The following PPP2R3B variants were observed in gnomAD, a reference collection of about 807,000 sequenced individuals.
PPP2R3B encodes protein phosphatase 2 regulatory subunit B''beta, also known as serine/threonine-protein phosphatase 2A regulatory subunit B'' subunit beta.
PPP2R3B carries 68 observed loss-of-function variants against 72.9 expected under a neutral mutation model. The observed-to-expected ratio is 0.93, with a 90% CI of 0.77 to 1.14. The LOEUF (loss-of-function observed/expected upper bound fraction) is 1.14, where lower values mean the gene tolerates loss of function less well. Ranked by LOEUF, PPP2R3B falls within the 50% of genes most tolerant of loss-of-function variation. The probability of loss-of-function intolerance (pLI) is 0.00; values close to 1 mark genes in which losing one functional copy is unlikely to be tolerated. For synonymous variants in PPP2R3B, 466 were observed against 375.8 expected (o/e 1.24, Z -2.78); for missense variants, 1,018 against 842.0 (o/e 1.21, Z -2.59).
At chrX:341,173 C>T in intron 9 of PPP2R3B, 134 bp downstream of exon 9, 2 of 820,952 alleles carry the variant, frequency 2.4e-6, no homozygotes, top group Admixed American at 4.0e-5. Context: ...GTGCAGCCCC[C>T]ACCGGGCGTG....
chrX:334,290 C>G lies in PPP2R3B; in HGVS notation c.*77G>C. On this transcript the variant is annotated 3_prime_UTR_variant, in exon 13 of 13. Transcript: ENST00000390665. Reference sequence around the variant, plus strand: ...GTACAAACGCACTCATTTTCCACAACAGTTTTTACACGAGCCGCGGTGGCC... The same window carrying G: ...GTACAAACGCACTCATTTTCCACAAGAGTTTTTACACGAGCCGCGGTGGCC... The G allele has an allele frequency of 4.3e-6, 6 of 1,380,694 alleles. No homozygotes were observed. The highest frequency in any genetic ancestry group is 1.5e-5 in the South Asian group (1 of 64,634). 85.5% of individuals were successfully genotyped at this position (1,380,694 alleles called of 1,614,324 possible).
rs1364613788 is a variant in PPP2R3B at position 386,452 on chromosome X, G to A, written c.240C>T (p.Gly80=). ...GLEPPGTPGP[G]PALPLGAASS... Reference sequence around the variant, plus strand: ...AGGCGGCGCCCAGGGGCAGCGCAGGGCCCGGCCCGGGGGTTCCCGGGGGTT... The same window carrying A: ...AGGCGGCGCCCAGGGGCAGCGCAGGACCCGGCCCGGGGGTTCCCGGGGGTT... Residue 80 remains glycine, a synonymous_variant, in exon 1 of 13, where the codon GGC becomes GGT. Coordinates refer to ENST00000390665, the MANE Select transcript of PPP2R3B (RefSeq NM_013239.5). The A allele has an allele frequency of 2.7e-5, 35 of 1,311,710 alleles. No homozygotes were observed. The highest frequency in any genetic ancestry group is 2.7e-4 in the Middle Eastern group (1 of 3,742). 81.3% of individuals were successfully genotyped at this position (1,311,710 alleles called of 1,614,324 possible).
intron 1 of PPP2R3B, among the ~76,000 whole-genome samples, chrX:383,703 TGGCG>T (rs2072175127): frequency 6.6e-6 from 1 of 150,844 alleles, no homozygotes; most frequent in Non-Finnish European, 1.5e-5. Flanking sequence ...CCGGGCGTGG[TGGCG>T]GGCGCCTGTA....
chrX:375,856 A>G (rs866380066), intron 1 of PPP2R3B, among the ~76,000 whole-genome samples: 1 of 63,652 alleles, frequency 1.6e-5, no homozygotes, highest in South Asian at 4.0e-4. Flanking sequence ...GGTGACACAC[A>G]CCCCTGTGGA....
chrX:385,440 G>C (rs1007825530), intron 1 of PPP2R3B, among the ~76,000 whole-genome samples: 1 of 146,702 alleles, frequency 6.8e-6, no homozygotes. Flanking sequence ...GGGTAGCTGA[G>C]ATTACAGGTA....
chrX:341,507 T>TCCTCCTGCCCG, intron 8 of PPP2R3B, 111 bp from the exon 9 acceptor site: 1 of 1,033,968 alleles, frequency 9.7e-7, no homozygotes, highest in Non-Finnish European at 1.5e-6. Context: ...GGCCCGGCCC[T>TCCTCCTGCCCG]CCTCCTGCCC....
chrX:382,368 T>C (rs1329640406), intron 1 of PPP2R3B, among the ~76,000 whole-genome samples: 1 of 151,894 alleles, frequency 6.6e-6, no homozygotes, highest in Non-Finnish European at 1.5e-5. Flanking sequence ...CAGCTAATTT[T>C]TGTATTTTTA....
intron 1 of PPP2R3B, among the ~76,000 whole-genome samples, chrX:364,292 G>A (rs367863978): frequency 6.6e-6 from 1 of 152,214 alleles, no homozygotes; most frequent in Non-Finnish European, 1.5e-5. Flanking sequence ...AGCTGGGCAG[G>A]GGGGAGTTCT....
chrX:345,056 GGGC>G (rs2071167434), intron 7 of PPP2R3B: 2 of 403,342 alleles, frequency 5.0e-6, no homozygotes, highest in African/African-American at 2.1e-5. Flanking sequence ...GAGGACACCT[GGGC>G]GGCACCGGCT....
At chrX:341,556 G>T in intron 8 of PPP2R3B, 160 bp from the exon 9 acceptor site, 1 of 773,038 alleles carries the variant, frequency 1.3e-6, no homozygotes, top group Non-Finnish European at 2.2e-6. Flanking sequence ...GGGAGGAGGT[G>T]GAGGCCCCGT....
intron 2 of PPP2R3B, among the ~76,000 whole-genome samples, chrX:358,746 A>G (rs2738405): frequency 0.14 from 21,638 of 151,206 alleles, 1,872 homozygotes; most frequent in Admixed American, 0.22. Context: ...ATGACATGAA[A>G]CGCGCACATG....
intron 7 of PPP2R3B, 136 bp downstream of exon 7, chrX:345,380 G>T: frequency 8.3e-7 from 1 of 1,198,216 alleles, no homozygotes; most frequent in Non-Finnish European, 1.2e-6. Flanking sequence ...GACACAGAGC[G>T]GCGAGTGCGA....
rs1405809339 is a variant in PPP2R3B at position 361,734 on chromosome X, C to A, written c.325-144G>T. On this transcript the variant is annotated intron_variant, in intron 1 of 12. Coordinates refer to ENST00000390665, the MANE Select transcript of PPP2R3B (RefSeq NM_013239.5). Reference sequence around the variant, plus strand: ...GGGAGAGGACACACTGCAATCCCTGCGGGGGACCACACACGTACTCCACTG... The same window carrying A: ...GGGAGAGGACACACTGCAATCCCTGAGGGGGACCACACACGTACTCCACTG... 1.1e-4 allele frequency: 99 copies of A among 875,078 alleles called. No homozygotes were observed. In the East Asian group the frequency reaches 1.4e-3, roughly 12 times the overall value. 54.2% of individuals were successfully genotyped at this position (875,078 alleles called of 1,614,324 possible). A position where few individuals can be genotyped will look rare whatever the true frequency, so the allele number is the denominator to read the frequency against.
rs2071719231 is a variant in PPP2R3B at position 366,762 on chromosome X, CTGA to C, written c.325-5175_325-5173del. On this transcript the variant is annotated intron_variant, in intron 1 of 12. Coordinates refer to ENST00000390665, the MANE Select transcript of PPP2R3B (RefSeq NM_013239.5). ...CCTGTAATCCCAGCTACTTGAGAGG[CTGA>C]GGCAGGAGAATCGCTTCAACACAGG... Among the ~76,000 whole-genome samples the C allele has an allele frequency of 3.5e-5, 4 of 112,774 alleles. 1 individual carries two copies. Among genetic ancestry groups the C allele is most frequent in the African/African-American group, 1.1e-4 (3 of 27,848 alleles). 74.0% of individuals were successfully genotyped at this position (112,774 alleles called of 152,430 possible).
At chrX:335,910 A>T (rs2070876873) in intron 12 of PPP2R3B, 1 of 152,116 alleles carries the variant, frequency 6.6e-6, no homozygotes. Flanking sequence ...TCACACCTGT[A>T]ATTCCGGCAC....
intron 9 of PPP2R3B, 131 bp from the exon 10 acceptor site, chrX:341,071 GCAT>G (rs1339024518): frequency 1.1e-5 from 14 of 1,328,542 alleles, no homozygotes; most frequent in Non-Finnish European, 1.4e-5. Flanking sequence ...GGGCGTGCAG[GCAT>G]CCCCTGCCCC....
At chrX:339,277 G>GC (rs758704452) in intron 10 of PPP2R3B, among the ~76,000 whole-genome samples, 2 of 149,628 alleles carry the variant, frequency 1.3e-5, no homozygotes, top group Admixed American at 6.6e-5. Flanking sequence ...ATGGCCGGGG[G>GC]GGGCAGGGCT....
Position 334,222 on chromosome X carries a change from G to GCAAT in PPP2R3B, c.*141_*144dup. The GCAAT allele has an allele frequency of 2.0e-6, 2 of 1,019,414 alleles. No individual in the cohort carries two copies. Among genetic ancestry groups the GCAAT allele is most frequent in the Non-Finnish European group, 2.6e-6 (2 of 761,912 alleles). 63.1% of individuals were successfully genotyped at this position (1,019,414 alleles called of 1,614,324 possible). On this transcript the variant is annotated 3_prime_UTR_variant, in exon 13 of 13. Coordinates refer to ENST00000390665, the MANE Select transcript of PPP2R3B (RefSeq NM_013239.5). ...CAGGTCCAGCCACGAACCCACAGCG[G>GCAAT]CAATCAACACGCTTCTGTGAATAAA... is the stretch of plus-strand genomic sequence containing the variant.
chrX:379,743 A>G (rs979069779), intron 1 of PPP2R3B, among the ~76,000 whole-genome samples: 2 of 152,176 alleles, frequency 1.3e-5, no homozygotes, highest in Non-Finnish European at 2.9e-5. Context: ...ATTGGAAAAT[A>G]CTGTTAAGGT....
Sources: gnomAD v4.1 joint callset for allele counts (sites outside exome capture counted in the v4.1 genomes callset) on GRCh38, gnomAD v4.1.1 for gene constraint, MANE v1.5 for transcripts, NCBI Gene and HGNC (gene_info 2026-07-23, HGNC 2026-07-21) for gene names.